The following STXBP5 variants were observed in gnomAD, a reference collection of about 807,000 sequenced individuals.
STXBP5 encodes syntaxin-binding protein 5.
A neutral mutation model predicts 152.4 loss-of-function variants in STXBP5; 50 were observed. The observed-to-expected ratio is 0.33, with a 90% CI of 0.26 to 0.42. The LOEUF (loss-of-function observed/expected upper bound fraction) is 0.42, where lower values mean the gene tolerates loss of function less well. Among genes scored for constraint, STXBP5 ranks in the 10% least tolerant of loss-of-function variants. The probability of loss-of-function intolerance (pLI) is 1.00; values close to 1 mark genes in which losing one functional copy is unlikely to be tolerated. For synonymous variants in STXBP5, 492 were observed against 494.7 expected (o/e 0.99, Z 0.07); for missense variants, 1,167 against 1,388.6 (o/e 0.84, Z 2.54).
intron 16 of STXBP5, among the ~76,000 whole-genome samples, chr6:147,320,451 A>T (rs553069472): frequency 6.6e-6 from 1 of 152,102 alleles, no homozygotes; most frequent in Non-Finnish European, 1.5e-5. Context: ...GGACTCTACC[A>T]TTCCTGGGAT....
chr6:147,345,234 A>G (rs1172521044), intron 21 of STXBP5, among the ~76,000 whole-genome samples: 1 of 152,194 alleles, frequency 6.6e-6, no homozygotes, highest in Non-Finnish European at 1.5e-5. Flanking sequence ...TATTAAACAC[A>G]CATTAAATGC....
intron 8 of STXBP5, among the ~76,000 whole-genome samples, chr6:147,288,929 T>C (rs1781131792): frequency 6.6e-6 from 1 of 152,180 alleles, no homozygotes; most frequent in Non-Finnish European, 1.5e-5. Context: ...TGTGGTGCCC[T>C]CCTTACCCTT....
At position 147,365,035 on chromosome 6, in the gene STXBP5, C is replaced by T. The variant is rs959813814; in HGVS notation, c.3081+869C>T. On this transcript the variant is annotated intron_variant, in intron 25 of 27. Transcript: ENST00000321680. The stretch of plus-strand genomic sequence containing the variant: ...TAAAATTAGCATAGAAGTGGTATCT[C>T]AGAGGATATGATATGGATTAAAGGA... Among the ~76,000 whole-genome samples, 9 of 152,096 alleles carry T rather than the reference C, an allele frequency of 5.9e-5. No individual in the cohort carries two copies. The South Asian group carries it at 6.2e-4, about 10-fold the overall frequency.
At position 147,205,985 on chromosome 6, in the gene STXBP5, A is replaced by G; in HGVS notation, c.165A>G (p.Gly55=). 1 of 1,614,036 alleles carries G rather than the reference A, an allele frequency of 6.2e-7. No homozygotes were observed. Among genetic ancestry groups the G allele is most frequent in the Non-Finnish European group, 8.5e-7 (1 of 1,179,954 alleles). ...CCCATCCCTAGACTGTTCGCCATGG[A>G]TTTCCCTATCAACCCTCAGCCCTGG... The part of the protein sequence containing the change: ...HFQLCKTVRH[G]FPYQPSALAF... The change falls in exon 2 of 28, where the codon GGA becomes GGG. Residue 55 remains glycine, a synonymous_variant. Transcript: ENST00000321680.
rs770205429 is a variant in STXBP5 at position 147,382,845 on chromosome 6, T to G, written c.3261T>G (p.Ile1087Met). The change falls in exon 27 of 28, where the codon ATT (isoleucine) becomes ATG (methionine). Residue 1087 changes from isoleucine to methionine, a missense_variant. Ile to Met is a conservative substitution (Grantham distance 10). Around this residue, in one of 3 missense-constraint regions of STXBP5, gnomAD observed 833 missense variants for 986.3 expected, o/e 0.84. Coordinates refer to ENST00000321680, the MANE Select transcript of STXBP5 (RefSeq NM_001127715.4). The part of the protein sequence containing the change: ...LAQHIPGPGG[I>M]EGVKGAASGV... ...AGCATATTCCTGGCCCTGGTGGCAT[T>G]GAAGGCGTAAAAGGGGCAGCATCTG... 6.2e-7 allele frequency: 1 copy of G among 1,613,424 alleles called. No homozygotes were observed.
chr6:147,226,055 G>A (rs1777694141), intron 2 of STXBP5, among the ~76,000 whole-genome samples: 1 of 152,212 alleles, frequency 6.6e-6, no homozygotes, highest in Middle Eastern at 3.4e-3. Context: ...GCTCATGCAT[G>A]TAATCTCAGC....
At chr6:147,246,243 C>T (rs991602058) in intron 4 of STXBP5, among the ~76,000 whole-genome samples, 1 of 152,160 alleles carries the variant, frequency 6.6e-6, no homozygotes, top group African/African-American at 2.4e-5. Flanking sequence ...GGTTGATCAG[C>T]AGCTACAACT....
At chr6:147,366,128 T>C (rs573322524) in intron 25 of STXBP5, among the ~76,000 whole-genome samples, 1 of 152,296 alleles carries the variant, frequency 6.6e-6, no homozygotes, top group Admixed American at 6.5e-5. Flanking sequence ...GAACAAGAGT[T>C]TGGGGACACC....
intron 22 of STXBP5, among the ~76,000 whole-genome samples, chr6:147,358,842 G>C (rs1784929077): frequency 1.3e-5 from 2 of 152,242 alleles, no homozygotes; most frequent in South Asian, 2.1e-4. Context: ...GAAAGAGAAA[G>C]AGGGAGGGGT....
intron 9 of STXBP5, among the ~76,000 whole-genome samples, chr6:147,297,528 T>G (rs527354435): frequency 1.2e-4 from 19 of 152,238 alleles, no homozygotes; most frequent in African/African-American, 4.6e-4. Context: ...AACTCACAGA[T>G]AGAGATAAAT....
Position 147,387,808 on chromosome 6 carries a change from A to G in STXBP5, c.*3053A>G, listed in dbSNP as rs1786414142. 6.6e-6 allele frequency: 1 copy of G among 151,560 alleles called. No homozygotes were observed. The highest frequency in any genetic ancestry group is 6.6e-5 in the Admixed American group (1 of 15,202). 9.4% of individuals were successfully genotyped at this position (151,560 alleles called of 1,614,324 possible). A position where few individuals can be genotyped will look rare whatever the true frequency, so the allele number is the denominator to read the frequency against. ...GCAATTTTTTTTTTTTTGGCTTAGA[A>G]CTTCTTAATTGTAGGTTCCTCTGAA... On this transcript the variant is annotated 3_prime_UTR_variant, in exon 28 of 28. Coordinates refer to ENST00000321680, the MANE Select transcript of STXBP5 (RefSeq NM_001127715.4).
At chr6:147,379,082 A>C (rs139200991) in intron 26 of STXBP5, among the ~76,000 whole-genome samples, 35 of 149,982 alleles carry the variant, frequency 2.3e-4, no homozygotes, top group African/African-American at 8.4e-4. Flanking sequence ...ATTTTTCTGA[A>C]GCCACATCTG....
intron 9 of STXBP5, among the ~76,000 whole-genome samples, chr6:147,294,551 G>T (rs77057439): frequency 0.032 from 4,801 of 151,930 alleles, 72 homozygotes; most frequent in Middle Eastern, 0.051. Context: ...CTTCCACAAA[G>T]CAAGTGTACA....
chr6:147,337,214 C>CACACACACACACACACACACAAAA (rs150169446), intron 19 of STXBP5, among the ~76,000 whole-genome samples: 1 of 147,270 alleles, frequency 6.8e-6, no homozygotes, highest in African/African-American at 2.5e-5. Flanking sequence ...CACACACACA[C>CACACACACACACACACACACAAAA]AAGAAGTCAT....
chr6:147,298,891 T>C (rs1286346610), intron 9 of STXBP5, among the ~76,000 whole-genome samples: 1 of 151,864 alleles, frequency 6.6e-6, no homozygotes, highest in Non-Finnish European at 1.5e-5. Context: ...TAATCTCAAA[T>C]AGACAACCTA....
Position 147,384,943 on chromosome 6 carries a change from T to C in STXBP5, c.*188T>C, listed in dbSNP as rs142580231. On this transcript the variant is annotated 3_prime_UTR_variant, in exon 28 of 28. Coordinates refer to ENST00000321680, the MANE Select transcript of STXBP5 (RefSeq NM_001127715.4). Reference sequence around the variant, plus strand: ...GAGGAGTGTTCACACGCACTCGAAATGGAGTATATGGTGTGTGCCAGTTAT... The same window carrying C: ...GAGGAGTGTTCACACGCACTCGAAACGGAGTATATGGTGTGTGCCAGTTAT... 1.6e-6 allele frequency: 1 copy of C among 612,556 alleles called. No individual in the cohort carries two copies. The highest frequency in any genetic ancestry group is 2.9e-6 in the Non-Finnish European group (1 of 341,216). The allele number at this position is 612,556 out of a possible 1,614,324, so 37.9% of individuals were successfully genotyped here.
intron 4 of STXBP5, among the ~76,000 whole-genome samples, chr6:147,249,077 T>C (rs1391312076): frequency 1.3e-5 from 2 of 152,202 alleles, no homozygotes; most frequent in East Asian, 3.9e-4. Context: ...GGGAGCAGAT[T>C]CTTTCCCAGC....
chr6:147,382,919 G>A lies in STXBP5; in HGVS notation c.3335G>A (p.Gly1112Glu). ...ARARLALDER[G>E]QKLGDLEERT... ...GCCAGGCTGGCACTAGATGAAAGAGGGCAGAAACTTGGCGATCTGGAAGAA... is the reference window on the plus strand; with the variant it reads ...GCCAGGCTGGCACTAGATGAAAGAGAGCAGAAACTTGGCGATCTGGAAGAA... The change falls in exon 27 of 28, where the codon GGG (glycine) becomes GAG (glutamate). Residue 1112 changes from glycine to glutamate, a missense_variant. Coordinates refer to ENST00000321680, the MANE Select transcript of STXBP5 (RefSeq NM_001127715.4). The A allele has an allele frequency of 6.2e-7, 1 of 1,613,444 alleles. No homozygotes were observed. Among genetic ancestry groups the A allele is most frequent in the Non-Finnish European group, 8.5e-7 (1 of 1,179,666 alleles).
chr6:147,218,145 T>TA (rs1777269777), intron 2 of STXBP5, among the ~76,000 whole-genome samples: 1 of 152,198 alleles, frequency 6.6e-6, no homozygotes, highest in Non-Finnish European at 1.5e-5. Context: ...ATTCGTAGCC[T>TA]CCTCCATTAT....
Sources: gnomAD v4.1 joint callset for allele counts (sites outside exome capture counted in the v4.1 genomes callset) on GRCh38, gnomAD v4.1.1 for gene constraint, gnomAD v4.1.1 regional missense constraint, MANE v1.5 for transcripts, NCBI Gene and HGNC (gene_info 2026-07-23, HGNC 2026-07-21) for gene names.